The following RAPGEF5 variants were observed in gnomAD, a reference collection of about 807,000 sequenced individuals.
RAPGEF5 encodes the protein M-Ras-regulated GEF.
Under a neutral mutation model 125.2 loss-of-function variants are expected in RAPGEF5, and 65 were observed. The observed-to-expected ratio is 0.52, with a 90% CI of 0.43 to 0.64. The LOEUF (loss-of-function observed/expected upper bound fraction) is 0.64. Ranked by LOEUF, RAPGEF5 falls within the 30% of genes least tolerant of loss-of-function variation. The pLI, the probability that RAPGEF5 is intolerant of heterozygous loss-of-function variation, is 0.00. For missense variants in RAPGEF5, 958 were observed against 1,048.1 expected (o/e 0.91, Z 1.19); for synonymous variants, 391 against 385.9 (o/e 1.01, Z -0.16).
chr7:22,227,472 T>C (rs980619645), intron 8 of RAPGEF5, among the ~76,000 whole-genome samples: 4 of 152,194 alleles, frequency 2.6e-5, no homozygotes, highest in Admixed American at 2.6e-4. Context: ...TAGGAGACAA[T>C]GAAAATATTC....
intron 7 of RAPGEF5, among the ~76,000 whole-genome samples, chr7:22,249,336 A>G (rs1345313038): frequency 2.6e-5 from 4 of 151,978 alleles, no homozygotes; most frequent in Non-Finnish European, 5.9e-5. Flanking sequence ...ACAGGCATGC[A>G]CCATCATGCT....
At chr7:22,258,004 C>G (rs1445845010) in intron 7 of RAPGEF5, among the ~76,000 whole-genome samples, 3 of 152,082 alleles carry the variant, frequency 2.0e-5, no homozygotes, top group Non-Finnish European at 4.4e-5. Flanking sequence ...ATAGACAAAA[C>G]AGTCATCATT....
At chr7:22,202,883 T>C (rs1207761034) in intron 9 of RAPGEF5, 14 of 345,038 alleles carry the variant, frequency 4.1e-5, no homozygotes, top group Non-Finnish European at 8.2e-5. Context: ...ATAGACCCAG[T>C]TGAATACTGG....
chr7:22,181,065 A>G (rs1784657866), intron 11 of RAPGEF5, among the ~76,000 whole-genome samples: 1 of 152,244 alleles, frequency 6.6e-6, no homozygotes, highest in Non-Finnish European at 1.5e-5. Flanking sequence ...CCAAGACATC[A>G]AAGGTCACAT....
chr7:22,136,889 G>A (rs889799247), intron 22 of RAPGEF5, 44 bp downstream of exon 22: 2 of 1,464,572 alleles, frequency 1.4e-6, no homozygotes, highest in Admixed American at 1.9e-5. Context: ...CTAGACCCTA[G>A]CAATTATTTT....
At chr7:22,162,257 C>G in intron 13 of RAPGEF5, 140 bp downstream of exon 13, 2 of 913,594 alleles carry the variant, frequency 2.2e-6, no homozygotes, top group Non-Finnish European at 3.2e-6. Flanking sequence ...TCAAAATAAA[C>G]TTAAATATTC....
chr7:22,304,696 C>CT (rs1377853327), intron 5 of RAPGEF5, among the ~76,000 whole-genome samples: 1 of 152,176 alleles, frequency 6.6e-6, no homozygotes, highest in Non-Finnish European at 1.5e-5. Context: ...ACAGGAAAGG[C>CT]TGAAAGGAGC....
intron 18 of RAPGEF5, among the ~76,000 whole-genome samples, 173 bp from the exon 19 acceptor site, chr7:22,147,192 G>T (rs557320251): frequency 6.6e-6 from 1 of 152,280 alleles, no homozygotes; most frequent in East Asian, 1.9e-4. Flanking sequence ...TTTAGGAAAC[G>T]GTCTTGGGAA....
At chr7:22,122,667 C>G (rs754225135) in intron 25 of RAPGEF5, 146 bp from the exon 26 acceptor site, 1 of 613,216 alleles carries the variant, frequency 1.6e-6, no homozygotes, top group Non-Finnish European at 2.9e-6. Flanking sequence ...CCTTGTCCTA[C>G]AGTAGAAATG....
chr7:22,258,996 G>C (rs1311471086), intron 7 of RAPGEF5, among the ~76,000 whole-genome samples: 1 of 152,108 alleles, frequency 6.6e-6, no homozygotes, highest in Non-Finnish European at 1.5e-5. Context: ...TGACTCATGC[G>C]AGAAAAAATT....
intron 23 of RAPGEF5, 94 bp downstream of exon 23, chr7:22,135,944 G>C: frequency 2.1e-6 from 2 of 938,294 alleles, no homozygotes; most frequent in Non-Finnish European, 3.2e-6. Context: ...ACTGTAAAGA[G>C]ACAAAATGAG....
intron 11 of RAPGEF5, among the ~76,000 whole-genome samples, chr7:22,188,933 G>C (rs953764841): frequency 6.6e-6 from 1 of 151,558 alleles, no homozygotes; most frequent in Non-Finnish European, 1.5e-5. Context: ...CCTACTATGT[G>C]TTGCTAAACG....
rs527433926 is a variant in RAPGEF5 at position 22,311,956 on chromosome 7, G to C, written c.390-1866C>G. On this transcript the variant is annotated intron_variant, in intron 3 of 25. Transcript: ENST00000665637. The stretch of plus-strand genomic sequence containing the variant: ...TAATTCATATTCTCAAAACAATGCA[G>C]GTCCTCAGTCTGCTCTGAGTGTCTG... 2.6e-5 allele frequency among the ~76,000 whole-genome samples: 4 copies of C among 152,286 alleles called. No homozygotes were observed. In the South Asian group the frequency reaches 6.2e-4, roughly 24 times the overall value.
chr7:22,278,424 A>T (rs543413745), intron 6 of RAPGEF5, among the ~76,000 whole-genome samples: 1 of 152,288 alleles, frequency 6.6e-6, no homozygotes, highest in African/African-American at 2.4e-5. Flanking sequence ...ATTTTTAAAC[A>T]AAATCACTTT....
intron 14 of RAPGEF5, among the ~76,000 whole-genome samples, chr7:22,158,657 A>C (rs1783888968): frequency 6.6e-6 from 1 of 151,722 alleles, no homozygotes; most frequent in South Asian, 2.1e-4. Flanking sequence ...ACAGAGTCTC[A>C]CTCTCTCACC....
chr7:22,139,477 C>G (rs566670711), intron 21 of RAPGEF5, among the ~76,000 whole-genome samples: 1 of 152,220 alleles, frequency 6.6e-6, no homozygotes, highest in African/African-American at 2.4e-5. Flanking sequence ...GCAGTCCACA[C>G]GTCAGACCTT....
chr7:22,325,057 C>G (rs1435082366), intron 1 of RAPGEF5, among the ~76,000 whole-genome samples: 1 of 152,180 alleles, frequency 6.6e-6, no homozygotes, highest in African/African-American at 2.4e-5. Flanking sequence ...GATCTCTGCT[C>G]TGTGCACTTT....
At chr7:22,254,862 G>T (rs371996601) in intron 7 of RAPGEF5, among the ~76,000 whole-genome samples, 64 of 152,180 alleles carry the variant, frequency 4.2e-4, no homozygotes, top group African/African-American at 1.5e-3. Flanking sequence ...TGTGAAAATC[G>T]AATGCTGCCA....
At chr7:22,290,553 G>A (rs917475516) in intron 6 of RAPGEF5, among the ~76,000 whole-genome samples, 1 of 151,962 alleles carries the variant, frequency 6.6e-6, no homozygotes, top group Non-Finnish European at 1.5e-5. Context: ...AGACCATCCC[G>A]GCTAAAACGG....
Sources: allele counts gnomAD v4.1 joint callset (sites outside exome capture counted in the v4.1 genomes callset), GRCh38; gene constraint gnomAD v4.1.1; transcripts MANE v1.5; gene names NCBI Gene and HGNC (gene_info 2026-07-23, HGNC 2026-07-21).